Variants in STRBP observed in about 807,000 individuals in gnomAD.
STRBP encodes the protein spermatid perinuclear RNA binding protein.
STRBP carries 13 observed loss-of-function variants against 80.1 expected under a neutral mutation model. The ratio of observed to expected loss-of-function variants is 0.16; its 90% CI spans 0.11 to 0.26. The LOEUF (loss-of-function observed/expected upper bound fraction) is 0.26, where lower values mean the gene tolerates loss of function less well. Among genes scored for constraint, STRBP ranks in the 10% least tolerant of loss-of-function variants. The probability of loss-of-function intolerance (pLI) is 1.00; values close to 1 mark genes in which losing one functional copy is unlikely to be tolerated. For missense variants in STRBP, 485 were observed against 815.2 expected (o/e 0.59, Z 4.93); for synonymous variants, 284 against 291.2 (o/e 0.98, Z 0.25).
intron 8 of STRBP, 65 bp downstream of exon 8, chr9:123,160,302 C>A: frequency 8.3e-7 from 1 of 1,199,698 alleles, no homozygotes; most frequent in Non-Finnish European, 1.2e-6. Context: ...AGTAACATCT[C>A]ATTTCTACAG....
rs1052010482 is a variant in STRBP at position 123,125,149 on chromosome 9, T to C, written c.*448A>G. On this transcript the variant is annotated 3_prime_UTR_variant, in exon 19 of 19. Coordinates refer to ENST00000348403, the MANE Select transcript of STRBP (RefSeq NM_018387.5). ...AAAATAACTACAGCCCAAATTAAAG[T>C]GCCCTGGGGCAAATACATATCAATC... 2 of 986,458 alleles carry C rather than the reference T, an allele frequency of 2.0e-6. No individual in the cohort carries two copies. Among genetic ancestry groups the C allele is most frequent in the African/African-American group, 3.5e-5 (2 of 57,262 alleles). The allele number at this position is 986,458 out of a possible 1,614,324, so 61.1% of individuals were successfully genotyped here. A position where few individuals can be genotyped will look rare whatever the true frequency, so the allele number is the denominator to read the frequency against.
chr9:123,184,206 T>A lies in STRBP; in HGVS notation c.-72A>T. On this transcript the variant is annotated 5_prime_UTR_variant, in exon 3 of 19. Coordinates refer to ENST00000348403, the MANE Select transcript of STRBP (RefSeq NM_018387.5). ...TTCTTGTCGTCTTCACTAGACACTG[T>A]TTTGTGTAACAATACCTCCTCATAA... The A allele has an allele frequency of 1.3e-6, 2 of 1,522,924 alleles. No homozygotes were observed. The highest frequency in any genetic ancestry group is 1.8e-5 in the Admixed American group (1 of 55,826). The allele number at this position is 1,522,924 out of a possible 1,614,324, so 94.3% of individuals were successfully genotyped here. A position where few individuals can be genotyped will look rare whatever the true frequency, so the allele number is the denominator to read the frequency against.
At chr9:123,172,344 G>C (rs1035256164) in intron 5 of STRBP, among the ~76,000 whole-genome samples, 2 of 152,102 alleles carry the variant, frequency 1.3e-5, no homozygotes, top group African/African-American at 2.4e-5. Context: ...ATTGAAACGG[G>C]AACTTTATTA....
Position 123,177,644 on chromosome 9 carries a change from C to G in STRBP, c.224+1363G>C, listed in dbSNP as rs139729821. 2.6e-4 allele frequency among the ~76,000 whole-genome samples: 40 copies of G among 152,310 alleles called. No individual in the cohort carries two copies. The East Asian group carries it at 5.6e-3, about 21-fold the overall frequency. ...TTATCCTGTACAAGTCTTTAAATCA[C>G]AGACCTCATCCAGTTAAGCAAGTCT... On this transcript the variant is annotated intron_variant, in intron 4 of 18. Transcript: ENST00000348403.
chr9:123,133,391 G>A (rs1214218767), intron 16 of STRBP, among the ~76,000 whole-genome samples: 2 of 152,098 alleles, frequency 1.3e-5, no homozygotes, highest in African/African-American at 2.4e-5. Context: ...CTAGTGGGGG[G>A]AAAACATAAA....
At chr9:123,187,484 C>A (rs1164401489) in intron 2 of STRBP, among the ~76,000 whole-genome samples, 1 of 152,110 alleles carries the variant, frequency 6.6e-6, no homozygotes, top group Non-Finnish European at 1.5e-5. Flanking sequence ...GAAAAAAACA[C>A]ACCTCAAATT....
chr9:123,171,118 A>T (rs1462493725), intron 5 of STRBP, among the ~76,000 whole-genome samples: 2 of 152,200 alleles, frequency 1.3e-5, no homozygotes, highest in Non-Finnish European at 2.9e-5. Flanking sequence ...TCATTTTGTC[A>T]CTAAAAGAGC....
chr9:123,141,632 ACT>A (rs1435424449), intron 13 of STRBP, among the ~76,000 whole-genome samples: 2 of 152,174 alleles, frequency 1.3e-5, no homozygotes, highest in Non-Finnish European at 1.5e-5. Flanking sequence ...TCTTTTCTCG[ACT>A]CAACATAGAC....
intron 1 of STRBP, among the ~76,000 whole-genome samples, chr9:123,266,193 T>G (rs535703226): frequency 2.0e-5 from 3 of 152,312 alleles, no homozygotes; most frequent in South Asian, 4.1e-4. Flanking sequence ...CTCGTGACCC[T>G]GTGTGGCCCT....
At chr9:123,184,763 G>A (rs1437188695) in intron 2 of STRBP, among the ~76,000 whole-genome samples, 1 of 152,148 alleles carries the variant, frequency 6.6e-6, no homozygotes, top group Non-Finnish European at 1.5e-5. Context: ...AAGAGTACAT[G>A]TTGGCACAAT....
intron 4 of STRBP, among the ~76,000 whole-genome samples, chr9:123,177,496 C>T (rs2038272358): frequency 6.6e-6 from 1 of 151,928 alleles, no homozygotes; most frequent in African/African-American, 2.4e-5. Flanking sequence ...TCACTTGAGC[C>T]CAGGAGTTCA....
intron 2 of STRBP, among the ~76,000 whole-genome samples, chr9:123,191,138 T>C (rs908166137): frequency 3.9e-5 from 6 of 152,006 alleles, no homozygotes; most frequent in African/African-American, 1.4e-4. Context: ...TGTGAAATGC[T>C]TGGAAAAGAG....
At chr9:123,237,869 A>G (rs1201233761) in intron 1 of STRBP, among the ~76,000 whole-genome samples, 1 of 152,200 alleles carries the variant, frequency 6.6e-6, no homozygotes, top group Non-Finnish European at 1.5e-5. Flanking sequence ...TCTCAATAGG[A>G]CAGTTTCCCA....
At chr9:123,264,771 A>T (rs1249396471) in intron 1 of STRBP, among the ~76,000 whole-genome samples, 1 of 152,228 alleles carries the variant, frequency 6.6e-6, no homozygotes, top group Non-Finnish European at 1.5e-5. Flanking sequence ...GTGCCTACAA[A>T]TTGTCCCAAT....
intron 2 of STRBP, among the ~76,000 whole-genome samples, chr9:123,211,252 C>T (rs62579000): frequency 0.066 from 10,065 of 152,134 alleles, 389 homozygotes; most frequent in African/African-American, 0.078. Flanking sequence ...TTTAGCATTA[C>T]ATTAAGTAAA....
At chr9:123,163,661 G>A (rs539566103) in intron 6 of STRBP, among the ~76,000 whole-genome samples, 1 of 152,106 alleles carries the variant, frequency 6.6e-6, no homozygotes, top group Non-Finnish European at 1.5e-5. Context: ...GTAGTACAGT[G>A]CTATTTATAA....
intron 1 of STRBP, among the ~76,000 whole-genome samples, chr9:123,258,523 G>A (rs1485010295): frequency 6.6e-6 from 1 of 152,232 alleles, no homozygotes; most frequent in Admixed American, 6.5e-5. Flanking sequence ...CTGCAAGAAG[G>A]CCAGGCGTGG....
intron 2 of STRBP, among the ~76,000 whole-genome samples, chr9:123,188,535 G>A (rs1047560704): frequency 6.6e-6 from 1 of 152,030 alleles, no homozygotes. Context: ...CCAGCTACTC[G>A]GGAGGCTGAG....
chr9:123,133,878 C>T (rs2036246406), intron 16 of STRBP, among the ~76,000 whole-genome samples: 1 of 151,998 alleles, frequency 6.6e-6, no homozygotes, highest in African/African-American at 2.4e-5. Context: ...TTGAAAGCCC[C>T]TTCTTTCTCT....
Sources: allele counts gnomAD v4.1 joint callset (sites outside exome capture counted in the v4.1 genomes callset), GRCh38; gene constraint gnomAD v4.1.1; transcripts MANE v1.5; gene names NCBI Gene and HGNC (gene_info 2026-07-23, HGNC 2026-07-21).